SYT14: variants seen among roughly 807,000 people sequenced by gnomAD.
SYT14 encodes synaptotagmin 14.
Under a neutral mutation model 74.2 loss-of-function variants are expected in SYT14, and 32 were observed. The ratio of observed to expected loss-of-function variants is 0.43; its 90% CI spans 0.33 to 0.58. The LOEUF is 0.58. Among genes scored for constraint, SYT14 ranks in the 20% least tolerant of loss-of-function variants. The pLI, the probability that SYT14 is intolerant of heterozygous loss-of-function variation, is 0.05. For missense variants in SYT14, 791 were observed against 981.8 expected, an observed-to-expected ratio of 0.81 and a Z score of 2.60; for synonymous variants, 298 against 337.7, an observed-to-expected ratio of 0.88 and a Z score of 1.29.
chr1:210,085,397 T>G (rs1340137894), intron 5 of SYT14, among the ~76,000 whole-genome samples: 1 of 152,218 alleles, frequency 6.6e-6, no homozygotes, highest in Non-Finnish European at 1.5e-5. Context: ...GGCTAGGACC[T>G]TTAATACATT....
chr1:209,979,060 A>G (rs1176276884), intron 2 of SYT14, among the ~76,000 whole-genome samples: 3 of 152,210 alleles, frequency 2.0e-5, no homozygotes, highest in Admixed American at 1.3e-4. Flanking sequence ...GGAAAAGCGC[A>G]GTATTAGGGT....
At chr1:210,055,218 CAG>C (rs1558157355) in intron 5 of SYT14, among the ~76,000 whole-genome samples, 2 of 152,152 alleles carry the variant, frequency 1.3e-5, no homozygotes, top group African/African-American at 4.8e-5. Context: ...ATAAACTTTT[CAG>C]AGTCTTTTCT....
exon 10 of SYT14, chr1:210,163,377 A>G: frequency 2.2e-6 from 1 of 453,744 alleles, no homozygotes; most frequent in Non-Finnish European, 4.4e-6. Flanking sequence ...GTTTTTTAAT[A>G]TTTCTGGAAA....
intron 2 of SYT14, among the ~76,000 whole-genome samples, chr1:210,009,384 T>C (rs1490690491): frequency 6.6e-6 from 1 of 152,196 alleles, no homozygotes. Flanking sequence ...TACTACTGTT[T>C]TAAAATTATA....
intron 1 of SYT14, among the ~76,000 whole-genome samples, chr1:209,939,269 C>T (rs1649604769): frequency 6.6e-6 from 1 of 152,210 alleles, no homozygotes; most frequent in Admixed American, 6.5e-5. Flanking sequence ...TGTGTATATT[C>T]ATCTGTGCAG....
chr1:210,026,631 C>A (rs2080418273), intron 5 of SYT14, among the ~76,000 whole-genome samples: 1 of 150,820 alleles, frequency 6.6e-6, no homozygotes, highest in South Asian at 2.1e-4. Flanking sequence ...CACACACACA[C>A]ACACACACAC....
At chr1:210,024,973 GA>G (rs1257519772) in intron 5 of SYT14, among the ~76,000 whole-genome samples, 1 of 151,476 alleles carries the variant, frequency 6.6e-6, no homozygotes, top group African/African-American at 2.5e-5. Flanking sequence ...GAGTAATAAG[GA>G]AGTCAGATTG....
At chr1:210,100,293 T>C (rs2082039814) in exon 7 of SYT14, 2 of 1,614,126 alleles carry the variant, frequency 1.2e-6, no homozygotes, top group Non-Finnish European at 8.5e-7. Context: ...AATTTAATCA[T>C]GTTGAATCTG....
At chr1:210,062,116 C>G (rs994709891) in intron 5 of SYT14, among the ~76,000 whole-genome samples, 1 of 151,726 alleles carries the variant, frequency 6.6e-6, no homozygotes, top group Non-Finnish European at 1.5e-5. Context: ...CTTAGACTTC[C>G]AAGCCTGAGG....
chr1:210,064,213 T>A (rs1465664526), intron 5 of SYT14, among the ~76,000 whole-genome samples: 2 of 152,066 alleles, frequency 1.3e-5, no homozygotes. Flanking sequence ...TTCATTCATG[T>A]TATGGCATGT....
chr1:209,978,145 T>C (rs949679651), intron 2 of SYT14, among the ~76,000 whole-genome samples: 2 of 152,202 alleles, frequency 1.3e-5, no homozygotes, highest in Admixed American at 6.5e-5. Context: ...TTGCCATGGG[T>C]TCAAACTTTC....
rs183312538 is a variant in SYT14, at chr1:210,046,000, T to A, written c.1312+24746T>A. Among the ~76,000 whole-genome samples the A allele has an allele frequency of 7.9e-4, 121 of 152,358 alleles. 2 individuals carry two copies. In the East Asian group the frequency reaches 0.022, roughly 28 times the overall value. On this transcript the variant is annotated intron_variant, in intron 5 of 9. Coordinates refer to ENST00000637265, the Ensembl canonical transcript of SYT14. The stretch of plus-strand genomic sequence containing the variant: ...TAATACAAAGAAAATTACTTTATCT[T>A]AATAATTGCTAACACATTGAACACA...
At chr1:210,163,072 G>A in exon 10 of SYT14, 1 of 453,568 alleles carries the variant, frequency 2.2e-6, no homozygotes, top group Non-Finnish European at 4.4e-6. Flanking sequence ...GGCATTTGAA[G>A]CTATAATGAA....
At chr1:210,013,186 G>A (rs1223077186) in intron 2 of SYT14, among the ~76,000 whole-genome samples, 2 of 148,948 alleles carry the variant, frequency 1.3e-5, no homozygotes, top group Non-Finnish European at 3.0e-5. Flanking sequence ...TTCTCATGCC[G>A]TAGCCACCCA....
At chr1:210,017,991 T>C (rs1000571884) in intron 4 of SYT14, among the ~76,000 whole-genome samples, 2 of 152,242 alleles carry the variant, frequency 1.3e-5, no homozygotes, top group South Asian at 2.1e-4. Flanking sequence ...TACGACTACA[T>C]ACATAATAGG....
chr1:209,982,904 G>A (rs2079511620), intron 2 of SYT14, among the ~76,000 whole-genome samples: 3 of 152,318 alleles, frequency 2.0e-5, no homozygotes, highest in Middle Eastern at 3.4e-3. Flanking sequence ...TAGGTATGTG[G>A]TGGTGTCTCT....
chr1:210,087,327 T>G (rs1221865451), intron 5 of SYT14, among the ~76,000 whole-genome samples: 1 of 152,200 alleles, frequency 6.6e-6, no homozygotes, highest in African/African-American at 2.4e-5. Context: ...TCTGATATAC[T>G]TCACCAGATA....
At chr1:210,162,187 A>G in exon 10 of SYT14, 1 of 434,894 alleles carries the variant, frequency 2.3e-6, no homozygotes, top group Non-Finnish European at 4.7e-6. Flanking sequence ...TTGTAACTAG[A>G]CTTTATGAAA....
intron 5 of SYT14, among the ~76,000 whole-genome samples, chr1:210,058,241 G>C (rs2081136212): frequency 6.6e-6 from 1 of 152,112 alleles, no homozygotes; most frequent in Non-Finnish European, 1.5e-5. Context: ...TGGTTTTATT[G>C]CTCCCAAATA....
Sources: gnomAD v4.1 joint callset for allele counts (sites outside exome capture counted in the v4.1 genomes callset) on GRCh38, gnomAD v4.1.1 for gene constraint, MANE v1.5 for transcripts, NCBI Gene and HGNC (gene_info 2026-07-23, HGNC 2026-07-21) for gene names.